AFAP1L2: variants seen among roughly 807,000 people sequenced by gnomAD.
AFAP1L2 encodes the protein actin filament-associated protein 1-like 2.
Under a neutral mutation model 99.3 loss-of-function variants are expected in AFAP1L2, and 46 were observed. The ratio of observed to expected loss-of-function variants is 0.46; its 90% CI spans 0.37 to 0.59. AFAP1L2 has a LOEUF of 0.59. Among genes scored for constraint, AFAP1L2 ranks in the 20% least tolerant of loss-of-function variants. The probability of loss-of-function intolerance (pLI) is 0.00; values close to 1 mark genes in which losing one functional copy is unlikely to be tolerated. For missense variants in AFAP1L2, 959 were observed against 1,034.9 expected (o/e 0.93, Z 1.01); for synonymous variants, 397 against 419.1 (o/e 0.95, Z 0.64).
In AFAP1L2 at chr10:114,340,583, C is replaced by T. The variant is rs749391402; in HGVS notation, c.145+20G>A. 3 of 1,610,426 alleles carry T rather than the reference C, an allele frequency of 1.9e-6. No homozygotes were observed. The highest frequency in any genetic ancestry group is 2.5e-6 in the Non-Finnish European group (3 of 1,178,150). The stretch of plus-strand genomic sequence containing the variant: ...TCTTTTGGCGTGGAGGCCTCTGCAC[C>T]ACCCAGGGCCCACACTCACTGCTGC... On this transcript the variant is annotated intron_variant, in intron 2 of 18. Coordinates refer to ENST00000304129, the MANE Select transcript of AFAP1L2 (RefSeq NM_001001936.3).
intron 16 of AFAP1L2, among the ~76,000 whole-genome samples, chr10:114,298,926 G>C (rs1339518490): frequency 6.6e-6 from 1 of 152,186 alleles, no homozygotes; most frequent in African/African-American, 2.4e-5. Context: ...TGCAGTGCCA[G>C]GTCCTCAAAA....
intron 1 of AFAP1L2, among the ~76,000 whole-genome samples, chr10:114,384,040 C>A (rs548125957): frequency 6.6e-6 from 1 of 152,128 alleles, no homozygotes; most frequent in East Asian, 1.9e-4. Context: ...CATCCAATGA[C>A]AAAGGATGCA....
intron 12 of AFAP1L2, chr10:114,301,758 G>T: frequency 2.3e-6 from 1 of 430,802 alleles, no homozygotes; most frequent in Non-Finnish European, 4.3e-6. Context: ...CTCCCTTCTA[G>T]GATCTCCTTC....
At chr10:114,328,631 G>A (rs1219004866) in intron 4 of AFAP1L2, among the ~76,000 whole-genome samples, 4 of 152,218 alleles carry the variant, frequency 2.6e-5, no homozygotes, top group Non-Finnish European at 5.9e-5. Flanking sequence ...ACGGTTGATG[G>A]TCTGGCTAGC....
intron 2 of AFAP1L2, among the ~76,000 whole-genome samples, chr10:114,335,443 T>C (rs993495888): frequency 1.3e-5 from 2 of 151,952 alleles, no homozygotes; most frequent in African/African-American, 2.4e-5. Context: ...AAACCCCATC[T>C]CTACTAAAAA....
chr10:114,314,860 G>A (rs1312346537), intron 6 of AFAP1L2, among the ~76,000 whole-genome samples: 3 of 152,190 alleles, frequency 2.0e-5, no homozygotes, highest in African/African-American at 7.2e-5. Context: ...ACAGTAGCCA[G>A]GGCTGGGCGC....
At chr10:114,286,308 A>G in the AFAP1L2 span, 2 of 1,611,394 alleles carry the variant, frequency 1.2e-6, no homozygotes, top group Non-Finnish European at 1.7e-6. Flanking sequence ...ACTGAGTCAC[A>G]CTCCGAGGAT....
At chr10:114,361,721 T>A (rs1011049977) in intron 1 of AFAP1L2, among the ~76,000 whole-genome samples, 6 of 152,198 alleles carry the variant, frequency 3.9e-5, no homozygotes, top group Non-Finnish European at 5.9e-5. Context: ...CCTTGGGAAC[T>A]CACTTCTGCA....
At chr10:114,353,671 C>T (rs1435478181) in intron 1 of AFAP1L2, among the ~76,000 whole-genome samples, 3 of 152,184 alleles carry the variant, frequency 2.0e-5, no homozygotes, top group African/African-American at 7.2e-5. Context: ...CTTATTAAAA[C>T]AGACTGTACA....
chr10:114,358,814 C>T (rs2051780350), intron 1 of AFAP1L2, among the ~76,000 whole-genome samples: 1 of 152,070 alleles, frequency 6.6e-6, no homozygotes, highest in South Asian at 2.1e-4. Flanking sequence ...ACTGGGGAAG[C>T]TGAGGCAGGA....
At chr10:114,337,980 C>A (rs545349731) in intron 2 of AFAP1L2, among the ~76,000 whole-genome samples, 1 of 152,162 alleles carries the variant, frequency 6.6e-6, no homozygotes, top group Admixed American at 6.5e-5. Context: ...GCACTCCCGG[C>A]GGCAGGCGGG....
At chr10:114,401,386 T>C (rs145963970) in intron 1 of AFAP1L2, among the ~76,000 whole-genome samples, 2 of 152,294 alleles carry the variant, frequency 1.3e-5, no homozygotes, top group Non-Finnish European at 2.9e-5. Flanking sequence ...GTTCAGCCAA[T>C]GGGCTCATGC....
rs2047295396 is a variant in AFAP1L2, at chr10:114,331,904, G to A, written c.221-7C>T. The A allele has an allele frequency of 3.1e-6, 4 of 1,293,576 alleles. No homozygotes were observed. Among genetic ancestry groups the A allele is most frequent in the African/African-American group, 1.5e-5 (1 of 65,042 alleles). 80.1% of individuals were successfully genotyped at this position (1,293,576 alleles called of 1,614,324 possible). On this transcript the variant is annotated splice_polypyrimidine_tract_variant and splice_region_variant and intron_variant, in intron 3 of 18. Transcript: ENST00000304129. Reference sequence around the variant, plus strand: ...AGGCCCTGCTCCTCAGGCGCTGCGGGCAGCAAAAGGAAAAGGCTTCGGTGA... The same window carrying A: ...AGGCCCTGCTCCTCAGGCGCTGCGGACAGCAAAAGGAAAAGGCTTCGGTGA...
chr10:114,390,041 C>G (rs1289181303), intron 1 of AFAP1L2, among the ~76,000 whole-genome samples: 1 of 152,206 alleles, frequency 6.6e-6, no homozygotes, highest in Non-Finnish European at 1.5e-5. Context: ...TCTCCTCCCG[C>G]AACAACGATG....
rs1394536831 is a variant in AFAP1L2, at chr10:114,297,315, T to C, written c.2212A>G (p.Met738Val). 6.2e-7 allele frequency: 1 copy of C among 1,614,002 alleles called. No individual in the cohort carries two copies. Among genetic ancestry groups the C allele is most frequent in the Non-Finnish European group, 8.5e-7 (1 of 1,180,020 alleles). Residue 738 changes from methionine to valine, a missense_variant, in exon 17 of 19, where the codon ATG (methionine) becomes GTG (valine). Coordinates refer to ENST00000304129, the MANE Select transcript of AFAP1L2 (RefSeq NM_001001936.3). ...SRRVDLELSI[M>V]EVKDNLKKAE... ...TTCTTCAGGTTGTCCTTCACCTCCA[T>C]GATGCTGAGCTCCAGGTCCACGCGC... is the stretch of plus-strand genomic sequence containing the variant.
At chr10:114,311,462 C>T (rs1252724396) in intron 7 of AFAP1L2, among the ~76,000 whole-genome samples, 1 of 152,206 alleles carries the variant, frequency 6.6e-6, no homozygotes, top group African/African-American at 2.4e-5. Flanking sequence ...GACTGTGGTC[C>T]ACACTGAATA....
intron 2 of AFAP1L2, among the ~76,000 whole-genome samples, chr10:114,336,518 G>A (rs934599259): frequency 1.3e-5 from 2 of 152,234 alleles, no homozygotes; most frequent in African/African-American, 4.8e-5. Flanking sequence ...ACGGCCTGAA[G>A]GTGTTGGGAA....
chr10:114,386,566 C>A (rs74157597), intron 1 of AFAP1L2, among the ~76,000 whole-genome samples: 1,578 of 152,290 alleles, frequency 0.01, 27 homozygotes, highest in African/African-American at 0.036. Flanking sequence ...CTTCCCCCGG[C>A]AGAGATGGTG....
At position 114,323,234 on chromosome 10, in the gene AFAP1L2, G is replaced by T. The variant is rs781089887; in HGVS notation, c.343C>A (p.Pro115Thr). ...MIPERKQLAI[P>T]KTESPEGYYE... is the part of the protein sequence containing the mutation. ...TAGCCCTCTGGAGACTCCGTCTTTG[G>T]GATGGCAAGCTGTTTCCGTTCTGGA... Residue 115 changes from proline to threonine, a missense_variant, in exon 5 of 19, where the codon CCA becomes ACA. Around this residue, in one of 2 missense-constraint regions of AFAP1L2, gnomAD observed 383 missense variants for 472.8 expected, o/e 0.81. Transcript: ENST00000304129. 3.1e-6 allele frequency: 5 copies of T among 1,600,230 alleles called. No homozygotes were observed. The highest frequency in any genetic ancestry group is 2.3e-5 in the South Asian group (2 of 88,450).
Sources: allele counts gnomAD v4.1 joint callset (sites outside exome capture counted in the v4.1 genomes callset), GRCh38; gene constraint gnomAD v4.1.1; regional missense constraint gnomAD v4.1.1; transcripts MANE v1.5; gene names NCBI Gene and HGNC (gene_info 2026-07-23, HGNC 2026-07-21).